KLK4: variants seen among roughly 807,000 people sequenced by gnomAD.
KLK4 encodes the protein kallikrein-4.
In KLK4, 24 loss-of-function variants were observed where a neutral mutation model predicts 24.3. The observed-to-expected ratio is 0.99, with a 90% CI of 0.72 to 1.39. The LOEUF (loss-of-function observed/expected upper bound fraction) is 1.39. Ranked by LOEUF, KLK4 falls within the 40% of genes most tolerant of loss-of-function variation. The pLI, the probability that KLK4 is intolerant of heterozygous loss-of-function variation, is 0.00. For synonymous variants in KLK4, 142 were observed against 138.8 expected, an observed-to-expected ratio of 1.02 and a Z score of -0.16; for missense variants, 344 against 327.4, an observed-to-expected ratio of 1.05 and a Z score of -0.39.
exon 3 of KLK4, chr19:50,909,363 C>A: frequency 6.2e-7 from 1 of 1,614,224 alleles, no homozygotes; most frequent in African/African-American, 1.3e-5. Flanking sequence ...CGAGTGCGGG[C>A]TGCAGTCCTC....
At chr19:50,911,386 C>G (rs1440039162) in exon 1 of KLK4, among the ~76,000 whole-genome samples, 1 of 152,258 alleles carries the variant, frequency 6.6e-6, no homozygotes, top group East Asian at 1.9e-4. Flanking sequence ...TGAGCTCCAG[C>G]CTGCTGCCTC....
At position 50,910,110 on chromosome 19, in the gene KLK4, G is replaced by A. The variant is rs2090474556; in HGVS notation, c.61+568C>T. On this transcript the variant is annotated intron_variant, in intron 2 of 5. Coordinates refer to ENST00000324041, the Ensembl canonical transcript of KLK4. This position sits in a 1 kb window ranked among gnomAD's most constrained non-coding sequence, Gnocchi z 4.4. Reference sequence around the variant, plus strand: ...CCTTCGGGGTGAATTAAAGCTCAGGGGGTGGAGTTGTTGCTGGGAGCAAGG... The same window carrying A: ...CCTTCGGGGTGAATTAAAGCTCAGGAGGTGGAGTTGTTGCTGGGAGCAAGG... Among the ~76,000 whole-genome samples the A allele has an allele frequency of 6.6e-6, 1 of 151,968 alleles. No homozygotes were observed. The highest frequency in any genetic ancestry group is 1.9e-4 in the East Asian group (1 of 5,184).
chr19:50,906,566 G>A (rs1274272811), exon 6 of KLK4: 1 of 328,692 alleles, frequency 3.0e-6, no homozygotes, highest in Non-Finnish European at 5.7e-6. Context: ...TGAGTCTGAG[G>A]GAGGAGGGGT....
chr19:50,908,813 G>C (rs1293679160), exon 4 of KLK4: 8 of 1,612,774 alleles, frequency 5.0e-6, no homozygotes, highest in African/African-American at 1.3e-5. Flanking sequence ...TGCAGGCCCA[G>C]CCCGATGGTG....
rs1768517581 is a variant in KLK4, at chr19:50,909,388, G to A, written c.88C>T (p.Gln30Ter). The A allele has an allele frequency of 6.2e-7, 1 of 1,614,126 alleles. No homozygotes were observed. Among genetic ancestry groups the A allele is most frequent in the Non-Finnish European group, 8.5e-7 (1 of 1,179,984 alleles). Residue 30 changes from glutamine (Q) to a stop codon, truncating the protein, a stop_gained, in exon 3 of 6, where the codon CAA (glutamine) becomes TAA (stop). Transcript: ENST00000324041. LOFTEE classifies it high-confidence loss of function. ...CTGCAGTCCTCGCCGTTTATGATTT[G>A]GCTGCAGCTACCAGAGACGAGCGAT...
chr19:50,908,867 T>A, intron 3 of KLK4, 38 bp from the exon 4 acceptor site: 1 of 1,604,902 alleles, frequency 6.2e-7, no homozygotes, highest in East Asian at 2.2e-5. Flanking sequence ...TTGTGGCAAC[T>A]ACATCCTTAC....
rs2090477256 is a variant in KLK4 at position 50,910,356 on chromosome 19, A to C, written c.61+322T>G. Reference sequence around the variant, plus strand: ...AGGCACAGATTCCCAGCAATGGATCACGCCCCAGGAAGCACAATCTCCTGC... The same window carrying C: ...AGGCACAGATTCCCAGCAATGGATCCCGCCCCAGGAAGCACAATCTCCTGC... On this transcript the variant is annotated intron_variant, in intron 2 of 5. Coordinates refer to ENST00000324041, the Ensembl canonical transcript of KLK4. The surrounding 1 kb of genome is among the most constrained non-coding windows in gnomAD (Gnocchi z 4.4). 6.6e-6 allele frequency among the ~76,000 whole-genome samples: 1 copy of C among 151,980 alleles called. No individual in the cohort carries two copies. The highest frequency in any genetic ancestry group is 2.4e-5 in the African/African-American group (1 of 41,346).
intron 5 of KLK4, chr19:50,908,115 G>A (rs1363553323): frequency 2.6e-5 from 15 of 576,978 alleles, no homozygotes; most frequent in Non-Finnish European, 4.3e-5. Context: ...GCTGTTGGAA[G>A]GTCAACTGCA....
Position 50,910,570 on chromosome 19 carries a change from C to A in KLK4, c.61+108G>T, listed in dbSNP as rs995588606. On this transcript the variant is annotated intron_variant, in intron 2 of 5. Coordinates refer to ENST00000324041, the Ensembl canonical transcript of KLK4. The surrounding 1 kb of genome is among the most constrained non-coding windows in gnomAD (Gnocchi z 4.4). ...GGGGACGGATAACACGGTACCGTCT[C>A]ACAGGCAGCTTTGCAGTCACAAGCA... is the stretch of plus-strand genomic sequence containing the variant. The A allele has an allele frequency of 3.6e-5, 36 of 1,012,278 alleles. No homozygotes were observed. Among genetic ancestry groups the A allele is most frequent in the African/African-American group, 3.2e-5 (2 of 62,346 alleles). 62.7% of individuals were successfully genotyped at this position (1,012,278 alleles called of 1,614,324 possible). A position where few individuals can be genotyped will look rare whatever the true frequency, so the allele number is the denominator to read the frequency against.
At chr19:50,909,300 A>T (rs1204551203) in exon 3 of KLK4, 1 of 1,614,172 alleles carries the variant, frequency 6.2e-7, no homozygotes, top group South Asian at 1.1e-5. Context: ...ATGCACCAGG[A>T]CGCCCGAGCA....
exon 3 of KLK4, chr19:50,909,350 C>G (rs1340973742): frequency 6.2e-7 from 1 of 1,614,232 alleles, no homozygotes; most frequent in Non-Finnish European, 8.5e-7. Flanking sequence ...CCTGCCAGGG[C>G]TGCGAGTGCG....
exon 3 of KLK4, chr19:50,909,362 G>A (rs763972993): frequency 3.1e-6 from 5 of 1,614,188 alleles, no homozygotes; most frequent in Non-Finnish European, 4.2e-6. Flanking sequence ...GCGAGTGCGG[G>A]CTGCAGTCCT....
rs2090482430 is a variant in KLK4, at chr19:50,910,834, C to T, written c.-11-85G>A. 8.3e-7 allele frequency: 1 copy of T among 1,201,116 alleles called. No homozygotes were observed. The highest frequency in any genetic ancestry group is 1.2e-6 in the Non-Finnish European group (1 of 829,818). 74.4% of individuals were successfully genotyped at this position (1,201,116 alleles called of 1,614,324 possible). A position where few individuals can be genotyped will look rare whatever the true frequency, so the allele number is the denominator to read the frequency against. ...CCCTCTCTTTGTCCCTCCCTTTCTT[C>T]CCTCTGGGACGTTATTAGGTAGGCA... On this transcript the variant is annotated intron_variant, in intron 1 of 5. Coordinates refer to ENST00000324041, the Ensembl canonical transcript of KLK4. The surrounding 1 kb of genome is among the most constrained non-coding windows in gnomAD (Gnocchi z 4.4).
In KLK4 at chr19:50,910,161, G is replaced by C. The variant is rs1301671133; in HGVS notation, c.61+517C>G. ...ATCGGGTCACTTGTCTGCGCAGACT[G>C]ATGCTCAAAGAGTCGGTCCTGCGCC... On this transcript the variant is annotated intron_variant, in intron 2 of 5. Coordinates refer to ENST00000324041, the Ensembl canonical transcript of KLK4. This position sits in a 1 kb window ranked among gnomAD's most constrained non-coding sequence, Gnocchi z 4.4. Among the ~76,000 whole-genome samples, 3 of 152,006 alleles carry C rather than the reference G, an allele frequency of 2.0e-5. No individual in the cohort carries two copies. Among genetic ancestry groups the C allele is most frequent in the Non-Finnish European group, 1.5e-5 (1 of 67,978 alleles).
At chr19:50,909,059 ACT>A (rs2090462112) in intron 3 of KLK4, 191 bp downstream of exon 3, 14 of 1,478,150 alleles carry the variant, frequency 9.5e-6, no homozygotes, top group South Asian at 1.4e-5. Context: ...TCAAGTCAGG[ACT>A]CTCTGAGTCC....
intron 3 of KLK4, 123 bp downstream of exon 3, chr19:50,909,129 C>T: frequency 3.8e-6 from 6 of 1,576,466 alleles, no homozygotes; most frequent in Non-Finnish European, 5.2e-6. Context: ...CGGATCCAGG[C>T]TCATTCCGTC....
chr19:50,907,101 G>GGGAGA lies in KLK4; in HGVS notation c.613-20_613-16dup. The GGGAGA allele has an allele frequency of 6.2e-7, 1 of 1,613,886 alleles. No homozygotes were observed. The highest frequency in any genetic ancestry group is 8.5e-7 in the Non-Finnish European group (1 of 1,179,930). Reference sequence around the variant, plus strand: ...CCAGAGTCACCCTGTTGTGAAGAGAGGGAGAGTCAGAATTCAAAACACAGA... The same window carrying GGGAGA: ...CCAGAGTCACCCTGTTGTGAAGAGAGGGAGAGGAGAGTCAGAATTCAAAACACAGA... On this transcript the variant is annotated splice_polypyrimidine_tract_variant and intron_variant, in intron 5 of 5. Coordinates refer to ENST00000324041, the Ensembl canonical transcript of KLK4.
At chr19:50,906,948 C>G in exon 6 of KLK4, 1 of 1,614,142 alleles carries the variant, frequency 6.2e-7, no homozygotes, top group Non-Finnish European at 8.5e-7. Flanking sequence ...CTGGCCTGGA[C>G]GGTTTTCTCT....
chr19:50,909,171 CT>C (rs2090463230), intron 3 of KLK4, 80 bp downstream of exon 3: 2 of 1,610,036 alleles, frequency 1.2e-6, no homozygotes, highest in African/African-American at 1.3e-5. Context: ...CTGTTTCCCC[CT>C]GAGCACCCCA....
Sources: allele counts gnomAD v4.1 joint callset (sites outside exome capture counted in the v4.1 genomes callset), GRCh38; gene constraint gnomAD v4.1.1; non-coding constraint Gnocchi (gnomAD v3.1); transcripts MANE v1.5; gene names NCBI Gene and HGNC (gene_info 2026-07-23, HGNC 2026-07-21).